Variants in HDAC5 observed in about 807,000 individuals in gnomAD.
The protein encoded by HDAC5 is histone deacetylase 5.
A neutral mutation model predicts 133.3 loss-of-function variants in HDAC5; 25 were observed. The ratio of observed to expected loss-of-function variants is 0.19; its 90% CI spans 0.14 to 0.26. HDAC5 has a LOEUF of 0.26. Ranked by LOEUF, HDAC5 falls within the 10% of genes least tolerant of loss-of-function variation. The probability of loss-of-function intolerance (pLI) is 1.00; values close to 1 mark genes in which losing one functional copy is unlikely to be tolerated. For synonymous variants in HDAC5, 589 were observed against 610.8 expected, an observed-to-expected ratio of 0.96 and a Z score of 0.53; for missense variants, 1,041 against 1,460.5, an observed-to-expected ratio of 0.71 and a Z score of 4.68.
chr17:44,087,393 G>C lies in HDAC5; in HGVS notation c.1884+19C>G. Reference sequence around the variant, plus strand: ...CAGAGGGGTGGTGACCAAGGACTGGGACCAGGGACGGGGCTCACTTTTTTG... The same window carrying C: ...CAGAGGGGTGGTGACCAAGGACTGGCACCAGGGACGGGGCTCACTTTTTTG... On this transcript the variant is annotated intron_variant, in intron 13 of 26. Transcript: ENST00000682912. 1.2e-6 allele frequency: 1 copy of C among 811,662 alleles called. No homozygotes were observed. Among genetic ancestry groups the C allele is most frequent in the South Asian group, 1.4e-5 (1 of 69,942 alleles). The allele number at this position is 811,662 out of a possible 1,614,324, so 50.3% of individuals were successfully genotyped here. A position where few individuals can be genotyped will look rare whatever the true frequency, so the allele number is the denominator to read the frequency against.
intron 6 of HDAC5, 25 bp from the exon 7 acceptor site, chr17:44,092,831 G>T: frequency 4.6e-6 from 4 of 877,808 alleles, no homozygotes; most frequent in Admixed American, 2.7e-5. Flanking sequence ...GGGTGGGGAT[G>T]GAAGCAGATC....
Position 44,080,475 on chromosome 17 carries a change from C to T in HDAC5, c.2751G>A (p.Gly917=). The T allele has an allele frequency of 6.2e-7, 1 of 1,614,120 alleles. No individual in the cohort carries two copies. The highest frequency in any genetic ancestry group is 8.5e-7 in the Non-Finnish European group (1 of 1,180,010). The change falls in exon 22 of 27, where the codon GGG becomes GGA. Residue 917 remains glycine, a synonymous_variant. Transcript: ENST00000682912. ...PEEVGGGPGV[G]YNVNVAWTGG... is the part of the protein sequence containing the mutation. The stretch of plus-strand genomic sequence containing the variant: ...CTGTCCATGCCACGTTCACATTGTA[C>T]CCCACGCCTGGTCCTCCACCAACCT...
In HDAC5 at chr17:44,112,421, G is replaced by A. The variant is rs1343185117; in HGVS notation, c.23-1621C>T. Among the ~76,000 whole-genome samples the A allele has an allele frequency of 2.6e-5, 4 of 151,986 alleles. No individual in the cohort carries two copies. In the East Asian group the frequency reaches 7.7e-4, roughly 29 times the overall value. On this transcript the variant is annotated intron_variant, in intron 2 of 26. Coordinates refer to ENST00000682912, the MANE Select transcript of HDAC5 (RefSeq NM_005474.5). Reference sequence around the variant, plus strand: ...GTACAAAGATCCCACTTGGCCCCCTGACCTCACTAGAGCCTTTTAATAGCC... The same window carrying A: ...GTACAAAGATCCCACTTGGCCCCCTAACCTCACTAGAGCCTTTTAATAGCC...
chr17:44,114,315 T>C (rs1424708220), intron 2 of HDAC5, among the ~76,000 whole-genome samples: 6 of 152,172 alleles, frequency 3.9e-5, no homozygotes, highest in Admixed American at 3.3e-4. Flanking sequence ...ACTTTCTCAC[T>C]GCCTGCCTTC....
chr17:44,095,845 G>C (rs1336986476), intron 3 of HDAC5, among the ~76,000 whole-genome samples: 1 of 152,042 alleles, frequency 6.6e-6, no homozygotes, highest in Non-Finnish European at 1.5e-5. Context: ...TCAGAACTCT[G>C]GTCTTACGGA....
In HDAC5 at chr17:44,087,523, C is replaced by T. The variant is rs2050726880; in HGVS notation, c.1773G>A (p.Glu591=). The T allele has an allele frequency of 6.2e-7, 1 of 1,612,824 alleles. No homozygotes were observed. Residue 591 remains glutamate (E), a synonymous_variant, in exon 13 of 27, where the codon GAG becomes GAA. Transcript: ENST00000682912. ...CCTCCTCCTCCTCCCCATCGTCTTC[C>T]TCGTCCTCCTCCTCCAGGTCTTCCT... The part of the protein sequence containing the change: ...STQEDLEEED[E]EDDGEEEEDC...
At chr17:44,118,411 G>A (rs2052782404) in intron 1 of HDAC5, among the ~76,000 whole-genome samples, 1 of 152,162 alleles carries the variant, frequency 6.6e-6, no homozygotes, top group Admixed American at 6.5e-5. Flanking sequence ...AGGGAGATAC[G>A]AAATCCAGCC....
chr17:44,082,704 C>T (rs778736380), intron 19 of HDAC5, 32 bp from the exon 20 acceptor site: 19 of 1,611,484 alleles, frequency 1.2e-5, no homozygotes, highest in Admixed American at 1.7e-5. Context: ...AGGAGGTCAG[C>T]CTCAGCATGA....
In HDAC5 at chr17:44,123,554, G is replaced by A; in HGVS notation, c.-240C>T. On this transcript the variant is annotated 5_prime_UTR_variant, in exon 1 of 27. Coordinates refer to ENST00000682912, the MANE Select transcript of HDAC5 (RefSeq NM_005474.5). ...GCGGGCGGCGGCGGCAGCAGCGGCG[G>A]CGGCAGCGGCGGCAGCACCTCCTCG... is the stretch of plus-strand genomic sequence containing the variant. 2.5e-6 allele frequency: 1 copy of A among 401,136 alleles called. No homozygotes were observed. 24.8% of individuals were successfully genotyped at this position (401,136 alleles called of 1,614,324 possible).
intron 3 of HDAC5, among the ~76,000 whole-genome samples, chr17:44,107,607 C>CAAAAAA (rs61428400): frequency 5.6e-5 from 5 of 88,694 alleles, no homozygotes; most frequent in South Asian, 9.1e-4. Context: ...GACTCCGTAT[C>CAAAAAA]AAAAAAAAAA....
intron 11 of HDAC5, among the ~76,000 whole-genome samples, chr17:44,089,950 A>AAAAAAG (rs55918516): frequency 6.8e-6 from 1 of 147,916 alleles, no homozygotes; most frequent in Non-Finnish European, 1.5e-5. Context: ...AAAAAAAAAA[A>AAAAAAG]GGATGAGCAT....
At position 44,093,495 on chromosome 17, in the gene HDAC5, C is replaced by A; in HGVS notation, c.355-10G>T. 1 of 1,605,252 alleles carries A rather than the reference C, an allele frequency of 6.2e-7. No homozygotes were observed. Among genetic ancestry groups the A allele is most frequent in the Non-Finnish European group, 8.5e-7 (1 of 1,175,856 alleles). Reference sequence around the variant, plus strand: ...GCATCTCCTGCTGCTGCTGCAGGGGCATGGGAACGGAGGCACAAGTGAGCC... The same window carrying A: ...GCATCTCCTGCTGCTGCTGCAGGGGAATGGGAACGGAGGCACAAGTGAGCC... On this transcript the variant is annotated splice_polypyrimidine_tract_variant and intron_variant, in intron 4 of 26. Coordinates refer to ENST00000682912, the MANE Select transcript of HDAC5 (RefSeq NM_005474.5).
intron 3 of HDAC5, among the ~76,000 whole-genome samples, chr17:44,097,274 A>T (rs944149281): frequency 3.3e-5 from 5 of 152,238 alleles, no homozygotes; most frequent in Admixed American, 3.3e-4. Context: ...GCTCAGCATG[A>T]TGTAGCAGTC....
In HDAC5 at chr17:44,084,596, C is replaced by G; in HGVS notation, c.2264G>C (p.Ser755Thr). ...GTCTAGCTTCTGCCGGTTGAGGGGA[C>G]TGGTCCCATAGAGCAGGGTGTGGTA... ...SEYHTLLYGT[S>T]PLNRQKLDSK... is the part of the protein sequence containing the mutation. The change falls in exon 16 of 27, where the codon AGT becomes ACT. Residue 755 changes from serine (S) to threonine (T), a missense_variant. Around this residue, in one of 9 missense-constraint regions of HDAC5, gnomAD observed 31 missense variants for 27.0 expected, o/e 1.15. Transcript: ENST00000682912. 6.2e-7 allele frequency: 1 copy of G among 1,614,158 alleles called. No homozygotes were observed. Among genetic ancestry groups the G allele is most frequent in the Non-Finnish European group, 8.5e-7 (1 of 1,180,018 alleles).
intron 2 of HDAC5, among the ~76,000 whole-genome samples, chr17:44,113,316 G>C (rs2052451898): frequency 6.6e-6 from 1 of 152,178 alleles, no homozygotes; most frequent in South Asian, 2.1e-4. Flanking sequence ...GGGACACCCA[G>C]AGGTGGCTGG....
intron 18 of HDAC5, among the ~76,000 whole-genome samples, chr17:44,083,179 C>T (rs978024434): frequency 3.3e-5 from 5 of 152,068 alleles, no homozygotes; most frequent in African/African-American, 1.2e-4. Flanking sequence ...CTATGTTGCC[C>T]AGGCTGGTCT....
In HDAC5 at chr17:44,123,540, C is replaced by G. The variant is rs1057195302; in HGVS notation, c.-226G>C. On this transcript the variant is annotated 5_prime_UTR_variant, in exon 1 of 27. Coordinates refer to ENST00000682912, the MANE Select transcript of HDAC5 (RefSeq NM_005474.5). ...CGAGCTCCGGCTTCGCGGGCGGCGG[C>G]GGCAGCAGCGGCGGCGGCAGCGGCG... The G allele has an allele frequency of 2.5e-6, 1 of 398,566 alleles. No individual in the cohort carries two copies. Among genetic ancestry groups the G allele is most frequent in the South Asian group, 1.3e-4 (1 of 7,914 alleles). The allele number at this position is 398,566 out of a possible 1,614,324, so 24.7% of individuals were successfully genotyped here.
At position 44,102,964 on chromosome 17, in the gene HDAC5, G is replaced by A. The variant is rs1163100460; in HGVS notation, c.94+7765C>T. Among the ~76,000 whole-genome samples, 4 of 152,206 alleles carry A rather than the reference G, an allele frequency of 2.6e-5. No individual in the cohort carries two copies. In the South Asian group the frequency reaches 6.2e-4, roughly 24 times the overall value. ...TTACAGGCTTGAGCTACCGCCCCCG[G>A]CCCAGGTTCCCTTTATTTAAGAGAC... On this transcript the variant is annotated intron_variant, in intron 3 of 26. Coordinates refer to ENST00000682912, the MANE Select transcript of HDAC5 (RefSeq NM_005474.5).
intron 3 of HDAC5, among the ~76,000 whole-genome samples, chr17:44,099,695 C>T (rs918152254): frequency 5.3e-5 from 8 of 152,118 alleles, no homozygotes; most frequent in Non-Finnish European, 8.8e-5. Context: ...AGGGTGGTCT[C>T]GATCTCCTGA....
Sources: gnomAD v4.1 joint callset for allele counts (sites outside exome capture counted in the v4.1 genomes callset) on GRCh38, gnomAD v4.1.1 for gene constraint, gnomAD v4.1.1 regional missense constraint, MANE v1.5 for transcripts, NCBI Gene and HGNC (gene_info 2026-07-23, HGNC 2026-07-21) for gene names.